Variants in CGNL1 observed in about 807,000 individuals in gnomAD.
The protein encoded by CGNL1 is cingulin-like protein 1.
Under a neutral mutation model 141.2 loss-of-function variants are expected in CGNL1, and 132 were observed. The observed-to-expected ratio is 0.93, with a 90% CI of 0.81 to 1.08. CGNL1 has a LOEUF of 1.08. Among genes scored for constraint, CGNL1 ranks in the 50% least tolerant of loss-of-function variants. The pLI is 0.00. For missense variants in CGNL1, 1,870 were observed against 1,588.6 expected, an observed-to-expected ratio of 1.18 and a Z score of -3.01; for synonymous variants, 690 against 622.1, an observed-to-expected ratio of 1.11 and a Z score of -1.63.
At chr15:57,482,239 A>G (rs2063735357) in intron 8 of CGNL1, among the ~76,000 whole-genome samples, 2 of 152,234 alleles carry the variant, frequency 1.3e-5, no homozygotes, top group South Asian at 4.1e-4. Context: ...AAAACAAAAC[A>G]AAACAAAAAA....
chr15:57,430,082 G>T (rs1259102605), intron 1 of CGNL1, among the ~76,000 whole-genome samples: 1 of 152,166 alleles, frequency 6.6e-6, no homozygotes, highest in African/African-American at 2.4e-5. Context: ...AAGTGCTGGG[G>T]TGACTGGCGT....
rs767391002 is a variant in CGNL1, at chr15:57,453,741, G to A, written c.2113G>A (p.Asp705Asn). ...TCAGACTGAGATCAGGGATCTCCAGGACCAGCTCTCAGAAATGCACGATGA... is the reference window on the plus strand; with the variant it reads ...TCAGACTGAGATCAGGGATCTCCAGAACCAGCTCTCAGAAATGCACGATGA... ...QHQTEIRDLQ[D>N]QLSEMHDELD... Residue 705 changes from aspartate to asparagine, a missense_variant, in exon 7 of 19, where the codon GAC (aspartate) becomes AAC (asparagine). Transcript: ENST00000281282. The A allele has an allele frequency of 3.1e-6, 5 of 1,613,876 alleles. No homozygotes were observed. Among genetic ancestry groups the A allele is most frequent in the Non-Finnish European group, 4.2e-6 (5 of 1,179,952 alleles).
chr15:57,473,708 C>A (rs2063611942), intron 8 of CGNL1, among the ~76,000 whole-genome samples: 2 of 152,022 alleles, frequency 1.3e-5, no homozygotes, highest in Non-Finnish European at 2.9e-5. Flanking sequence ...CTGCGAAAAA[C>A]CCCATGTGGC....
rs549167089 is a variant in CGNL1 at position 57,538,417 on chromosome 15, C to T, written c.3292-5279C>T. 2.6e-5 allele frequency among the ~76,000 whole-genome samples: 4 copies of T among 152,328 alleles called. No individual in the cohort carries two copies. In the East Asian group the frequency reaches 5.8e-4, roughly 22 times the overall value. On this transcript the variant is annotated intron_variant, in intron 14 of 18. Coordinates refer to ENST00000281282, the MANE Select transcript of CGNL1 (RefSeq NM_032866.5). ...TTCACTCTGATTTATTTTACATTTC[C>T]ATTTTAATAGCCATCTTTTAAGGGG...
chr15:57,413,022 G>T (rs950570893), intron 1 of CGNL1, among the ~76,000 whole-genome samples: 2 of 151,628 alleles, frequency 1.3e-5, no homozygotes, highest in Non-Finnish European at 2.9e-5. Context: ...CACCATGCCC[G>T]ACTAATTTTT....
intron 1 of CGNL1, among the ~76,000 whole-genome samples, chr15:57,397,692 T>C (rs1706335): frequency 0.44 from 66,574 of 151,934 alleles, 14,828 homozygotes; most frequent in East Asian, 0.67. Flanking sequence ...TCCTTTGACA[T>C]GTGACGAGCC....
intron 4 of CGNL1, among the ~76,000 whole-genome samples, chr15:57,451,019 G>GA (rs11406901): frequency 0.95 from 144,385 of 152,186 alleles, 68,875 homozygotes; most frequent in Non-Finnish European, 1. Context: ...CATTAAAATA[G>GA]AAAAAATGAC....
chr15:57,415,966 C>T (rs1302155592), intron 1 of CGNL1, among the ~76,000 whole-genome samples: 1 of 152,172 alleles, frequency 6.6e-6, no homozygotes, highest in Non-Finnish European at 1.5e-5. Context: ...CCGTGGGATC[C>T]CTGCTCTGGG....
chr15:57,464,341 G>T (rs2063482956), intron 8 of CGNL1, among the ~76,000 whole-genome samples: 1 of 151,952 alleles, frequency 6.6e-6, no homozygotes, highest in South Asian at 2.1e-4. Context: ...GTTTCTGTGA[G>T]ATCTCCCAAC....
intron 1 of CGNL1, among the ~76,000 whole-genome samples, chr15:57,404,141 C>G (rs2062689830): frequency 1.3e-5 from 2 of 152,202 alleles, no homozygotes; most frequent in African/African-American, 4.8e-5. Context: ...TCTTATTAAC[C>G]AAGCCCAGAA....
chr15:57,534,269 A>T (rs954003032), intron 14 of CGNL1, among the ~76,000 whole-genome samples: 15 of 152,046 alleles, frequency 9.9e-5, no homozygotes, highest in African/African-American at 3.6e-4. Flanking sequence ...TGAGATAGGG[A>T]GGGTATAGCC....
At chr15:57,474,570 C>A (rs1013541357) in intron 8 of CGNL1, among the ~76,000 whole-genome samples, 1 of 152,136 alleles carries the variant, frequency 6.6e-6, no homozygotes, top group Non-Finnish European at 1.5e-5. Flanking sequence ...AAAGGACACC[C>A]GCATAGTTTA....
intron 1 of CGNL1, among the ~76,000 whole-genome samples, chr15:57,394,418 C>G (rs1285161127): frequency 1.3e-5 from 2 of 152,110 alleles, no homozygotes; most frequent in African/African-American, 2.4e-5. Context: ...AACCACCATG[C>G]CCGGCTTATT....
At chr15:57,394,099 C>CTTTTTTTTT (rs1555429893) in intron 1 of CGNL1, 3 of 34,162 alleles carry the variant, frequency 8.8e-5, no homozygotes, top group South Asian at 1.9e-3. Context: ...AGGGTAATTT[C>CTTTTTTTTT]TGTTTGTTTT....
At chr15:57,389,636 T>G (rs1013618096) in intron 1 of CGNL1, among the ~76,000 whole-genome samples, 1 of 152,152 alleles carries the variant, frequency 6.6e-6, no homozygotes, top group Non-Finnish European at 1.5e-5. Context: ...TGTATAGGAG[T>G]GCTCTGTATG....
intron 1 of CGNL1, among the ~76,000 whole-genome samples, chr15:57,390,393 C>T (rs1036728483): frequency 6.6e-6 from 1 of 152,240 alleles, no homozygotes; most frequent in Non-Finnish European, 1.5e-5. Context: ...ATAAGCAGCC[C>T]ACTGTCAGTT....
At chr15:57,512,112 T>A (rs11634739) in intron 8 of CGNL1, among the ~76,000 whole-genome samples, 24,021 of 152,068 alleles carry the variant, frequency 0.16, 2,339 homozygotes, top group East Asian at 0.46. Context: ...GCCACATCCA[T>A]GAGACACAAA....
chr15:57,490,881 A>G (rs1285210077), intron 8 of CGNL1, among the ~76,000 whole-genome samples: 1 of 152,180 alleles, frequency 6.6e-6, no homozygotes, highest in Non-Finnish European at 1.5e-5. Flanking sequence ...ATGACACTTT[A>G]CCTTCATGGT....
chr15:57,537,231 CT>C (rs2032308710), intron 14 of CGNL1, among the ~76,000 whole-genome samples: 1 of 152,136 alleles, frequency 6.6e-6, no homozygotes, highest in South Asian at 2.1e-4. Flanking sequence ...CCAACTCGAG[CT>C]TTGGGTGGCT....
Sources: allele counts gnomAD v4.1 joint callset (sites outside exome capture counted in the v4.1 genomes callset), GRCh38; gene constraint gnomAD v4.1.1; transcripts MANE v1.5; gene names NCBI Gene and HGNC (gene_info 2026-07-23, HGNC 2026-07-21).